The following FTSJ1 variants were observed in gnomAD, a reference collection of about 807,000 sequenced individuals.
FTSJ1 encodes the protein FtsJ RNA 2'-O-methyltransferase 1, also known as tRNA (cytidine(32)/guanosine(34)-2'-O)-methyltransferase.
FTSJ1 carries 3 observed loss-of-function variants against 28.5 expected under a neutral mutation model. That is an observed-to-expected ratio of 0.11 (90% CI 0.05 to 0.27). FTSJ1 has a LOEUF of 0.27. Among genes scored for constraint, FTSJ1 ranks in the 10% least tolerant of loss-of-function variants. FTSJ1 has a pLI of 1.00. For synonymous variants in FTSJ1, 104 were observed against 113.9 expected (o/e 0.91, Z 0.55); for missense variants, 162 against 279.0 (o/e 0.58, Z 2.99).
At position 48,481,513 on chromosome X, in the gene FTSJ1, C is replaced by T; in HGVS notation, c.556C>T (p.Arg186Trp). 8.3e-7 allele frequency: 1 copy of T among 1,209,483 alleles called. No homozygotes were observed. Among genetic ancestry groups the T allele is most frequent in the Non-Finnish European group, 1.1e-6 (1 of 893,109 alleles). Residue 186 changes from arginine to tryptophan, a missense_variant, in exon 8 of 13, where the codon CGG becomes TGG. Arg to Trp is a moderately radical substitution (Grantham distance 101, BLOSUM62 -3). Coordinates refer to ENST00000348411, the MANE Select transcript of FTSJ1 (RefSeq NM_012280.4). ...GCTGTGTGCCAAGCCCAGGAGCAGC[C>T]GGAACTCTAGCATCGGTCAGTGGGG... is the stretch of plus-strand genomic sequence containing the variant. Reference protein sequence around the residue: ...SVLCAKPRSSRNSSIEAFAVC... With the variant: ...SVLCAKPRSSWNSSIEAFAVC...
In FTSJ1 at chrX:48,478,344, G is replaced by C. The variant is rs1191059980; in HGVS notation, c.122-105G>C. 7 of 874,182 alleles carry C rather than the reference G, an allele frequency of 8.0e-6. No homozygotes were observed. In the East Asian group the frequency reaches 2.3e-4, roughly 29 times the overall value. The allele number at this position is 874,182 out of a possible 1,213,427, so 72.0% of individuals were successfully genotyped here. On this transcript the variant is annotated intron_variant, in intron 2 of 12. Coordinates refer to ENST00000348411, the MANE Select transcript of FTSJ1 (RefSeq NM_012280.4). ...AGAGGAGTTGGGCACCTGGGCAATG[G>C]AGATATGTGGGTGCTCCCCAGGGGA...
At chrX:48,484,433 G>A (rs182712144) in intron 12 of FTSJ1, among the ~76,000 whole-genome samples, 2 of 109,724 alleles carry the variant, frequency 1.8e-5, no homozygotes, top group African/African-American at 6.7e-5. Flanking sequence ...AGGCTGGGTG[G>A]AGTGCAGTGG....
chrX:48,479,247 C>G, intron 5 of FTSJ1, 131 bp downstream of exon 5: 1 of 499,857 alleles, frequency 2.0e-6, no homozygotes. Context: ...TCAGCTTTCT[C>G]CCACATCTGG....
At chrX:48,480,709 T>G (rs2147094329) in intron 5 of FTSJ1, among the ~76,000 whole-genome samples, 1 of 110,890 alleles carries the variant, frequency 9.0e-6, no homozygotes. Context: ...AAAGTAGATG[T>G]GTTAATGGCT....
intron 5 of FTSJ1, among the ~76,000 whole-genome samples, chrX:48,480,220 G>C (rs1296719843): frequency 9.0e-6 from 1 of 111,134 alleles, no homozygotes; most frequent in Non-Finnish European, 1.9e-5. Flanking sequence ...GTACCTGTTG[G>C]AATTTTAAAT....
chrX:48,477,530 G>A (rs782181827), intron 1 of FTSJ1, among the ~76,000 whole-genome samples: 6 of 111,083 alleles, frequency 5.4e-5, no homozygotes, highest in Non-Finnish European at 9.4e-5. Context: ...GGATAAAGGT[G>A]GAAAACAAGG....
In FTSJ1 at chrX:48,482,526, T is replaced by C; in HGVS notation, c.759+20T>C. 1 of 1,172,468 alleles carries C rather than the reference T, an allele frequency of 8.5e-7. No homozygotes were observed. Among genetic ancestry groups the C allele is most frequent in the Non-Finnish European group, 1.2e-6 (1 of 861,498 alleles). On this transcript the variant is annotated intron_variant, in intron 10 of 12. Transcript: ENST00000348411. ...CTGGACGTGAGTGCCCAACCAACAGTAGGTGGGTGGGAGGGAGGCTGTCCT... is the reference window on the plus strand; with the variant it reads ...CTGGACGTGAGTGCCCAACCAACAGCAGGTGGGTGGGAGGGAGGCTGTCCT...
At chrX:48,480,691 A>G (rs1378607898) in intron 5 of FTSJ1, among the ~76,000 whole-genome samples, 1 of 111,223 alleles carries the variant, frequency 9.0e-6, no homozygotes, top group Non-Finnish European at 1.9e-5. Context: ...ATCAAGTCAG[A>G]TCTTTTGAAA....
intron 3 of FTSJ1, 44 bp from the exon 4 acceptor site, chrX:48,478,573 G>A: frequency 8.4e-7 from 1 of 1,189,931 alleles, no homozygotes; most frequent in Non-Finnish European, 1.1e-6. Context: ...GGTGGGAGGG[G>A]CCCGGGAGCG....
chrX:48,484,479 G>T (rs1415199438), intron 12 of FTSJ1, among the ~76,000 whole-genome samples: 1 of 110,966 alleles, frequency 9.0e-6, no homozygotes, highest in Non-Finnish European at 1.9e-5. Context: ...CGCCTCCCGG[G>T]TTCAAGAGAT....
intron 4 of FTSJ1, 143 bp from the exon 5 acceptor site, chrX:48,478,895 C>T (rs2061550761): frequency 7.1e-6 from 4 of 559,977 alleles, no homozygotes; most frequent in South Asian, 5.4e-5. Context: ...GATGCTGGGT[C>T]CCCAGAGGTG....
At chrX:48,480,776 G>A (rs1361003532) in intron 5 of FTSJ1, among the ~76,000 whole-genome samples, 1 of 111,088 alleles carries the variant, frequency 9.0e-6, no homozygotes, top group Non-Finnish European at 1.9e-5. Flanking sequence ...CTAAGGTTTT[G>A]GATTTGAACA....
At chrX:48,483,350 A>G (rs1323962908) in intron 12 of FTSJ1, 1 of 308,226 alleles carries the variant, frequency 3.2e-6, no homozygotes, top group Non-Finnish European at 5.8e-6. Flanking sequence ...CTGTAAGTGC[A>G]AGAGTTTACA....
Position 48,477,037 on chromosome X carries a change from CAG to C in FTSJ1, c.-88+644_-88+645del, listed in dbSNP as rs2061536839. 9.1e-6 allele frequency among the ~76,000 whole-genome samples: 1 copy of C among 110,160 alleles called. No homozygotes were observed. The highest frequency in any genetic ancestry group is 1.9e-5 in the Non-Finnish European group (1 of 52,783). ...AATGAGAGGCTGATGGTGTTGTAGT[CAG>C]AGTCAGTAGTTGGGCTATGGTGGCA... On this transcript the variant is annotated intron_variant, in intron 1 of 12. Coordinates refer to ENST00000348411, the MANE Select transcript of FTSJ1 (RefSeq NM_012280.4).
chrX:48,482,743 G>T lies in FTSJ1; in HGVS notation c.906G>T (p.Thr302=), dbSNP rs781907346. The T allele has an allele frequency of 1.7e-6, 2 of 1,207,057 alleles. No individual in the cohort carries two copies. Among genetic ancestry groups the T allele is most frequent in the Non-Finnish European group, 2.2e-6 (2 of 894,010 alleles). The change falls in exon 11 of 13, where the codon ACG becomes ACT. Residue 302 remains threonine, a synonymous_variant. Coordinates refer to ENST00000348411, the MANE Select transcript of FTSJ1 (RefSeq NM_012280.4). ...ACTGCCCCATCAGCAGAGTGGACACGTTTCCCCAGCCCCTGGCCGCCCCTC... is the reference window on the plus strand; with the variant it reads ...ACTGCCCCATCAGCAGAGTGGACACTTTTCCCCAGCCCCTGGCCGCCCCTC... ...PQDCPISRVD[T]FPQPLAAPQC...
At position 48,481,175 on chromosome X, in the gene FTSJ1, A is replaced by G. The variant is rs2061566115; in HGVS notation, c.386A>G (p.Glu129Gly). Residue 129 changes from glutamate (E) to glycine (G), a missense_variant, in exon 6 of 13, where the codon GAG becomes GGG. Coordinates refer to ENST00000348411, the MANE Select transcript of FTSJ1 (RefSeq NM_012280.4). ...PDVTGLHDVD[E>G]YMQAQLLLAA... ...GTAACCGGTCTCCATGATGTTGATGAGTATATGCAGGCCCAGCTCCTCCTA... is the reference window on the plus strand; with the variant it reads ...GTAACCGGTCTCCATGATGTTGATGGGTATATGCAGGCCCAGCTCCTCCTA... The G allele has an allele frequency of 8.3e-7, 1 of 1,207,843 alleles. No individual in the cohort carries two copies. Among genetic ancestry groups the G allele is most frequent in the African/African-American group, 1.8e-5 (1 of 56,876 alleles).
intron 5 of FTSJ1, among the ~76,000 whole-genome samples, chrX:48,480,069 G>A (rs1310350954): frequency 9.1e-5 from 10 of 110,140 alleles, no homozygotes; most frequent in Non-Finnish European, 1.5e-4. Flanking sequence ...GCTTGAACCC[G>A]GGAGGCGGAG....
chrX:48,478,353 G>A (rs782809967), intron 2 of FTSJ1, 96 bp from the exon 3 acceptor site: 116 of 904,527 alleles, frequency 1.3e-4, no homozygotes, highest in Non-Finnish European at 1.7e-4. Context: ...GGAGATATGT[G>A]GGTGCTCCCC....
intron 9 of FTSJ1, 41 bp downstream of exon 9, chrX:48,481,756 C>T (rs781927192): frequency 2.4e-6 from 2 of 816,409 alleles, no homozygotes; most frequent in Non-Finnish European, 3.7e-6. Flanking sequence ...GACTCTGCCA[C>T]ACCTTATGCA....
Sources: gnomAD v4.1 joint callset for allele counts (sites outside exome capture counted in the v4.1 genomes callset) on GRCh38, gnomAD v4.1.1 for gene constraint, MANE v1.5 for transcripts, NCBI Gene and HGNC (gene_info 2026-07-23, HGNC 2026-07-21) for gene names.